The following FBXL6 variants were observed in gnomAD, a reference collection of about 807,000 sequenced individuals.
FBXL6 encodes F-box and leucine rich repeat protein 6.
Under a neutral mutation model 53.3 loss-of-function variants are expected in FBXL6, and 50 were observed. The ratio of observed to expected loss-of-function variants is 0.94; its 90% CI spans 0.75 to 1.19. FBXL6 has a LOEUF of 1.19. FBXL6 is among the 50% of genes most tolerant of loss of function. FBXL6 has a pLI of 0.00. For synonymous variants in FBXL6, 405 were observed against 322.9 expected (o/e 1.25, Z -2.73); for missense variants, 815 against 719.0 (o/e 1.13, Z -1.53).
intron 1 of FBXL6, 70 bp downstream of exon 1, chr8:144,357,962 C>G: frequency 6.7e-7 from 1 of 1,493,238 alleles, no homozygotes; most frequent in African/African-American, 1.4e-5. Context: ...CCGCCCCCGC[C>G]CGGGCCACCG....
chr8:144,357,184 C>A, intron 3 of FBXL6, 63 bp from the exon 4 acceptor site: 1 of 1,601,644 alleles, frequency 6.2e-7, no homozygotes, highest in South Asian at 1.1e-5. Context: ...ACAAGGGAAA[C>A]AGACAAGTGG....
Position 144,357,740 on chromosome 8 carries a change from C to T in FBXL6, c.463G>A (p.Ala155Thr), listed in dbSNP as rs201091140. 243 of 1,602,692 alleles carry T rather than the reference C, an allele frequency of 1.5e-4. No homozygotes were observed. Among genetic ancestry groups the T allele is most frequent in the Admixed American group, 1.3e-3 (78 of 59,168 alleles). Residue 155 changes from alanine (A) to threonine (T), a missense_variant, in exon 2 of 9, where the codon GCG becomes ACG. By Grantham distance (58) the Ala-to-Thr change is moderately conservative. Coordinates refer to ENST00000331890, the MANE Select transcript of FBXL6 (RefSeq NM_012162.4). ...RRWQEAASQPALWHTVTLSSP... is the reference protein window; with the variant it reads ...RRWQEAASQPTLWHTVTLSSP... ...GACAGGGTCACGGTGTGCCAGAGCG[C>T]GGGTTGGGAAGCGGCCTCCTGCCAG...
In FBXL6 at chr8:144,357,751, G is replaced by T. The variant is rs1554853232; in HGVS notation, c.452C>A (p.Ala151Asp). The change falls in exon 2 of 9, where the codon GCT (alanine) becomes GAT (aspartate). Residue 151 changes from alanine to aspartate, a missense_variant. By Grantham distance (126) the Ala-to-Asp change is moderately radical. Coordinates refer to ENST00000331890, the MANE Select transcript of FBXL6 (RefSeq NM_012162.4). ...GGTGTGCCAGAGCGCGGGTTGGGAA[G>T]CGGCCTCCTGCCAGCGGCGGCACAC... is the stretch of plus-strand genomic sequence containing the variant. ...ARVCRRWQEA[A>D]SQPALWHTVT... is the part of the protein sequence containing the mutation. 1.3e-6 allele frequency: 2 copies of T among 1,596,494 alleles called. No homozygotes were observed. The highest frequency in any genetic ancestry group is 1.7e-5 in the Admixed American group (1 of 58,422).
chr8:144,357,753 G>C lies in FBXL6; in HGVS notation c.450C>G (p.Ala150=). 6.3e-7 allele frequency: 1 copy of C among 1,596,436 alleles called. No individual in the cohort carries two copies. Among genetic ancestry groups the C allele is most frequent in the Non-Finnish European group, 8.5e-7 (1 of 1,173,420 alleles). The part of the protein sequence containing the change: ...AARVCRRWQE[A]ASQPALWHTV... ...TGTGCCAGAGCGCGGGTTGGGAAGC[G>C]GCCTCCTGCCAGCGGCGGCACACGC... Residue 150 remains alanine (A), a synonymous_variant, in exon 2 of 9, where the codon GCC becomes GCG. Coordinates refer to ENST00000331890, the MANE Select transcript of FBXL6 (RefSeq NM_012162.4).
Position 144,358,273 on chromosome 8 carries a change from CGCGGGGCCGG to C in FBXL6, c.165_174del (p.Arg56HisfsTer102), listed in dbSNP as rs781915039. ...GTGCGGCGGGAAGCGCGCCGCTGTGCGCGGGGCCGGGCGGGGCCGGGTTCGGACAGCACCA... is the reference window on the plus strand; with the variant it reads ...GTGCGGCGGGAAGCGCGCCGCTGTGCGCGGGGCCGGGTTCGGACAGCACCA... On this transcript the variant is annotated frameshift_variant, in exon 1 of 9. Coordinates refer to ENST00000331890, the MANE Select transcript of FBXL6 (RefSeq NM_012162.4). LOFTEE classifies it high-confidence loss of function. 1.6e-4 allele frequency: 198 copies of C among 1,227,232 alleles called. 2 individuals carry two copies. Among genetic ancestry groups the C allele is most frequent in the East Asian group, 4.1e-4 (13 of 31,712 alleles). 76.0% of individuals were successfully genotyped at this position (1,227,232 alleles called of 1,614,324 possible). A position where few individuals can be genotyped will look rare whatever the true frequency, so the allele number is the denominator to read the frequency against.
At chr8:144,355,895 C>A in intron 8 of FBXL6, 73 bp downstream of exon 8, 1 of 1,590,026 alleles carries the variant, frequency 6.3e-7, no homozygotes, top group Non-Finnish European at 8.6e-7. Flanking sequence ...CCAGGCAGGA[C>A]ACAACTTCCA....
rs782133365 is a variant in FBXL6, at chr8:144,356,195, C to G, written c.1245G>C (p.Leu415=). The change falls in exon 8 of 9, where the codon CTG becomes CTC. Residue 415 remains leucine (L), a synonymous_variant. Coordinates refer to ENST00000331890, the MANE Select transcript of FBXL6 (RefSeq NM_012162.4). The part of the protein sequence containing the change: ...LPCRELEQLH[L]GLYGTSDRLT... ...GCCGGTCTGACGTGCCATACAGGCCCAGATGAAGCTGCTCCAGCTCTGCAG... is the reference window on the plus strand; with the variant it reads ...GCCGGTCTGACGTGCCATACAGGCCGAGATGAAGCTGCTCCAGCTCTGCAG... The G allele has an allele frequency of 7.0e-7, 1 of 1,422,984 alleles. No homozygotes were observed. The highest frequency in any genetic ancestry group is 9.3e-7 in the Non-Finnish European group (1 of 1,080,842). The allele number at this position is 1,422,984 out of a possible 1,614,324, so 88.1% of individuals were successfully genotyped here.
chr8:144,356,994 G>C lies in FBXL6; in HGVS notation c.767C>G (p.Ser256Cys). Residue 256 changes from serine to cysteine, a missense_variant, in exon 4 of 9, where the codon TCC (serine) becomes TGC (cysteine). By Grantham distance (112) the Ser-to-Cys change is moderately radical. Transcript: ENST00000331890. ...CCCTTGGGACACAGGGCTCACCATG[G>C]AGTGCTGTAGGTCCAGGCTATGGAG... ...CQLHSLDLQH[S>C]MVESTAVVSF... 1 of 1,612,970 alleles carries C rather than the reference G, an allele frequency of 6.2e-7. No individual in the cohort carries two copies. The highest frequency in any genetic ancestry group is 8.5e-7 in the Non-Finnish European group (1 of 1,180,006).
At chr8:144,355,771 G>A (rs974035015) in intron 8 of FBXL6, 93 bp from the exon 9 acceptor site, 6 of 1,546,586 alleles carry the variant, frequency 3.9e-6, no homozygotes, top group Non-Finnish European at 5.3e-6. Flanking sequence ...TCGACACCTG[G>A]CTCTGCCACC....
rs1554853001 is a variant in FBXL6 at position 144,357,019 on chromosome 8, G to A, written c.742C>T (p.Leu248Phe). The change falls in exon 4 of 9, where the codon CTC becomes TTC. Residue 248 changes from leucine to phenylalanine, a missense_variant. Coordinates refer to ENST00000331890, the MANE Select transcript of FBXL6 (RefSeq NM_012162.4). ...LVMLAKACCQLHSLDLQHSMV... is the reference protein window; with the variant it reads ...LVMLAKACCQFHSLDLQHSMV... Reference sequence around the variant, plus strand: ...GAGTGCTGTAGGTCCAGGCTATGGAGCTGGCAGCAGGCTTTGGCTAGCATG... The same window carrying A: ...GAGTGCTGTAGGTCCAGGCTATGGAACTGGCAGCAGGCTTTGGCTAGCATG... The A allele has an allele frequency of 6.2e-7, 1 of 1,613,054 alleles. No individual in the cohort carries two copies. The highest frequency in any genetic ancestry group is 8.5e-7 in the Non-Finnish European group (1 of 1,180,026).
rs782708558 is a variant in FBXL6, at chr8:144,355,980, GGT to G, written c.1458_1459del (p.Pro487LysfsTer86). 19 of 1,612,646 alleles carry G rather than the reference GGT, an allele frequency of 1.2e-5. No homozygotes were observed. The highest frequency in any genetic ancestry group is 8.5e-7 in the Non-Finnish European group (1 of 1,179,800). ...AGGGGATGCTGACCTGACAGTGCTT[GGT>G]GTGACCCGGGTGCCCCTGAGGTTAA... is the stretch of plus-strand genomic sequence containing the variant. On this transcript the variant is annotated frameshift_variant, in exon 8 of 9. Transcript: ENST00000331890. LOFTEE classifies it high-confidence loss of function.
Position 144,357,158 on chromosome 8 carries a change from C to T in FBXL6, c.640-37G>A, listed in dbSNP as rs1318355647. 7.4e-6 allele frequency: 12 copies of T among 1,611,254 alleles called. No individual in the cohort carries two copies. The African/African-American group carries it at 9.3e-5, about 13-fold the overall frequency. Reference sequence around the variant, plus strand: ...CAGAGGGGCAGCTGGGGTTGGGAGACGACAGGCTAAGATCCACAAGGGAAA... The same window carrying T: ...CAGAGGGGCAGCTGGGGTTGGGAGATGACAGGCTAAGATCCACAAGGGAAA... On this transcript the variant is annotated intron_variant, in intron 3 of 8. Coordinates refer to ENST00000331890, the MANE Select transcript of FBXL6 (RefSeq NM_012162.4).
At chr8:144,355,699 A>AG (rs1304151441) in intron 8 of FBXL6, 21 bp from the exon 9 acceptor site, 19 of 1,608,940 alleles carry the variant, frequency 1.2e-5, no homozygotes, top group Non-Finnish European at 1.4e-5. Context: ...GGCAGACCAC[A>AG]GGAAGTTGAG....
At position 144,356,522 on chromosome 8, in the gene FBXL6, G is replaced by A. The variant is rs1437182293; in HGVS notation, c.1003C>T (p.Leu335=). The A allele has an allele frequency of 4.3e-6, 7 of 1,612,980 alleles. No homozygotes were observed. The highest frequency in any genetic ancestry group is 1.3e-5 in the African/African-American group (1 of 75,066). ...KGCPQLQVLR[L]LNLMWLPKPP... is the part of the protein sequence containing the mutation. ...TTGGGCAGCCACATCAGGTTCAACA[G>A]CCGCAGCACCTGGGGGCAAGGTCCA... The change falls in exon 7 of 9, where the codon CTG becomes TTG. Residue 335 remains leucine (L), a synonymous_variant. Transcript: ENST00000331890.
In FBXL6 at chr8:144,356,060, G is replaced by A. The variant is rs1818390741; in HGVS notation, c.1380C>T (p.Ala460=). Residue 460 remains alanine, a synonymous_variant, in exon 8 of 9, where the codon GCC becomes GCT. Coordinates refer to ENST00000331890, the MANE Select transcript of FBXL6 (RefSeq NM_012162.4). The stretch of plus-strand genomic sequence containing the variant: ...CAGGGGTGCTTAAGAAGGCAGCCAG[G>A]GCCTGCTCCAGGTCCTTCTCACTGA... ...QGFSEKDLEQ[A]LAAFLSTPGG... 6.2e-7 allele frequency: 1 copy of A among 1,612,844 alleles called. No homozygotes were observed. The highest frequency in any genetic ancestry group is 8.5e-7 in the Non-Finnish European group (1 of 1,180,006).
At position 144,356,117 on chromosome 8, in the gene FBXL6, T is replaced by G. The variant is rs781979174; in HGVS notation, c.1323A>C (p.Thr441=). 13 of 1,612,874 alleles carry G rather than the reference T, an allele frequency of 8.1e-6. No individual in the cohort carries two copies. The highest frequency in any genetic ancestry group is 1.1e-5 in the Non-Finnish European group (13 of 1,180,024). Reference sequence around the variant, plus strand: ...GGCCACTCAAGTCCAGTTCTCGCAGTGTATGGCACCACTTCTGGGTCAAAA... The same window carrying G: ...GGCCACTCAAGTCCAGTTCTCGCAGGGTATGGCACCACTTCTGGGTCAAAA... ...SPFLTQKWCH[T]LRELDLSGQG... Residue 441 remains threonine (T), a synonymous_variant, in exon 8 of 9, where the codon ACA becomes ACC. Transcript: ENST00000331890.
chr8:144,358,150 TG>T lies in FBXL6; in HGVS notation c.297del (p.Thr100ArgfsTer61). The T allele has an allele frequency of 6.5e-7, 1 of 1,540,388 alleles. No homozygotes were observed. On this transcript the variant is annotated frameshift_variant, in exon 1 of 9. Coordinates refer to ENST00000331890, the MANE Select transcript of FBXL6 (RefSeq NM_012162.4). LOFTEE classifies it high-confidence loss of function. ...TCGGGCCCTTCCTCGGGCGTGGGCG[TG>T]GGTGCCGGTGCGGGTGCGGGCGCGG... ...AAAAPAPAPAPTPTPEEGPDA... is the reference protein window; with the variant it reads ...AAAAPAPAPAXTPTPEEGPDA...
rs782011297 is a variant in FBXL6, at chr8:144,357,051, G to A, written c.710C>T (p.Ala237Val). The change falls in exon 4 of 9, where the codon GCT (alanine) becomes GTT (valine). Residue 237 changes from alanine (A) to valine (V), a missense_variant. Physicochemically the swap from Ala to Val is moderately conservative, Grantham distance 64. Coordinates refer to ENST00000331890, the MANE Select transcript of FBXL6 (RefSeq NM_012162.4). ...LSGCHGVTADALVMLAKACCQ... is the reference protein window; with the variant it reads ...LSGCHGVTADVLVMLAKACCQ... ...GCAGGCTTTGGCTAGCATGACCAGA[G>A]CGTCAGCAGTCACACCGTGGCAGCC... 1.5e-5 allele frequency: 24 copies of A among 1,612,886 alleles called. No individual in the cohort carries two copies. Among genetic ancestry groups the A allele is most frequent in the Non-Finnish European group, 1.9e-5 (23 of 1,180,034 alleles).
In FBXL6 at chr8:144,358,455, G is replaced by A. The variant is rs1402528593; in HGVS notation, c.-8C>T. On this transcript the variant is annotated 5_prime_UTR_variant, in exon 1 of 9. Coordinates refer to ENST00000331890, the MANE Select transcript of FBXL6 (RefSeq NM_012162.4). Reference sequence around the variant, plus strand: ...GGAGGCTGGGGCAGCCATGACCACCGACGGCGCTCGGGGAAGCCCCAGGGA... The same window carrying A: ...GGAGGCTGGGGCAGCCATGACCACCAACGGCGCTCGGGGAAGCCCCAGGGA... 9 of 1,238,070 alleles carry A rather than the reference G, an allele frequency of 7.3e-6. No homozygotes were observed. The Admixed American group carries it at 2.9e-4, about 39-fold the overall frequency. 76.7% of individuals were successfully genotyped at this position (1,238,070 alleles called of 1,614,324 possible).
Sources: allele counts gnomAD v4.1 joint callset, GRCh38; gene constraint gnomAD v4.1.1; transcripts MANE v1.5; gene names NCBI Gene and HGNC (gene_info 2026-07-23, HGNC 2026-07-21).